FLRT2: variants seen among roughly 807,000 people sequenced by gnomAD.
FLRT2 encodes the protein fibronectin leucine rich transmembrane protein 2, also known as leucine-rich repeat transmembrane protein FLRT2.
FLRT2 carries 15 observed loss-of-function variants against 40.0 expected under a neutral mutation model. That is an observed-to-expected ratio of 0.38 (90% CI 0.25 to 0.58). FLRT2 has a LOEUF of 0.58. FLRT2 is among the 20% of genes least tolerant of loss of function. The probability of loss-of-function intolerance (pLI) is 0.71; values close to 1 mark genes in which losing one functional copy is unlikely to be tolerated. For synonymous variants in FLRT2, 380 were observed against 336.8 expected (o/e 1.13, Z -1.41); for missense variants, 726 against 840.0 (o/e 0.86, Z 1.68).
intron 1 of FLRT2, among the ~76,000 whole-genome samples, chr14:85,533,195 G>C (rs1054756575): frequency 6.6e-6 from 1 of 152,116 alleles, no homozygotes; most frequent in African/African-American, 2.4e-5. Context: ...GGAGCGGAGC[G>C]CGCCAGAGCG....
At chr14:85,607,668 G>A (rs1017599244) in intron 1 of FLRT2, among the ~76,000 whole-genome samples, 5 of 152,196 alleles carry the variant, frequency 3.3e-5, no homozygotes, top group African/African-American at 1.2e-4. Flanking sequence ...GTCCTTCTAT[G>A]AGAGTTGGTT....
In FLRT2 at chr14:85,634,097, T is replaced by C. The variant is rs187545766; in HGVS notation, c.*10600T>C. On this transcript the variant is annotated 3_prime_UTR_variant, in exon 2 of 2. Coordinates refer to ENST00000330753, the MANE Select transcript of FLRT2 (RefSeq NM_013231.6). ...ATCCTCTTCAGCTGGATCACGTTGT[T>C]TTCTTTCTGTACACTTTGTGGTAGT... 132 of 152,340 alleles carry C rather than the reference T, an allele frequency of 8.7e-4. 1 individual carries two copies. The highest frequency in any genetic ancestry group is 3.0e-3 in the African/African-American group (124 of 41,578). 9.4% of individuals were successfully genotyped at this position (152,340 alleles called of 1,614,324 possible).
chr14:85,596,660 AC>A lies in FLRT2; in HGVS notation c.-376-24478del, dbSNP rs1192206746. 7.9e-5 allele frequency among the ~76,000 whole-genome samples: 12 copies of A among 152,214 alleles called. No individual in the cohort carries two copies. In the East Asian group the frequency reaches 9.6e-4, roughly 12 times the overall value. On this transcript the variant is annotated intron_variant, in intron 1 of 1. Coordinates refer to ENST00000330753, the MANE Select transcript of FLRT2 (RefSeq NM_013231.6). ...CTTGCTAAAGACTTTTTTAAAAAAA[AC>A]ATTTTCATTATTTAAACTCTCTTAG...
intron 1 of FLRT2, among the ~76,000 whole-genome samples, chr14:85,535,518 A>G (rs1011395695): frequency 4.6e-5 from 7 of 152,196 alleles, no homozygotes; most frequent in Non-Finnish European, 1.0e-4. Context: ...TGGGCCAGCT[A>G]CTTATGACGG....
chr14:85,612,032 T>C (rs1395506242), intron 1 of FLRT2, among the ~76,000 whole-genome samples: 3 of 108,592 alleles, frequency 2.8e-5, no homozygotes, highest in African/African-American at 1.1e-4. Context: ...CTGGGTGACA[T>C]GGACTGAGTC....
intron 1 of FLRT2, among the ~76,000 whole-genome samples, chr14:85,600,271 G>T (rs966129409): frequency 2.0e-5 from 3 of 152,240 alleles, no homozygotes; most frequent in Non-Finnish European, 4.4e-5. Flanking sequence ...TGAAGTTCCA[G>T]ATGGACGTGT....
chr14:85,643,343 CTTT>C lies in FLRT2; in HGVS notation c.*19847_*19849del, dbSNP rs1566774508. 101 of 94,122 alleles carry C rather than the reference CTTT, an allele frequency of 1.1e-3. 1 individual carries two copies. The highest frequency in any genetic ancestry group is 5.1e-3 in the Middle Eastern group (1 of 196). 5.8% of individuals were successfully genotyped at this position (94,122 alleles called of 1,614,324 possible). ...TCTTTCTTTCTTTCTTTCTTTCTTT[CTTT>C]CTTTCTTTCTTCCTTCCTTCCTTCC... On this transcript the variant is annotated 3_prime_UTR_variant, in exon 2 of 2. Coordinates refer to ENST00000330753, the MANE Select transcript of FLRT2 (RefSeq NM_013231.6).
chr14:85,623,749 G>T lies in FLRT2; in HGVS notation c.*252G>T. On this transcript the variant is annotated 3_prime_UTR_variant, in exon 2 of 2. Transcript: ENST00000330753. ...AAATCTTAAAAAAAAAAAAGTTGCTGAAGTACTGTACAGGGTTGTACAATG... is the reference window on the plus strand; with the variant it reads ...AAATCTTAAAAAAAAAAAAGTTGCTTAAGTACTGTACAGGGTTGTACAATG... 2.8e-6 allele frequency: 1 copy of T among 361,556 alleles called. No individual in the cohort carries two copies. Among genetic ancestry groups the T allele is most frequent in the African/African-American group, 2.1e-5 (1 of 47,650 alleles). 22.4% of individuals were successfully genotyped at this position (361,556 alleles called of 1,614,324 possible).
intron 1 of FLRT2, among the ~76,000 whole-genome samples, chr14:85,542,315 T>G (rs563382906): frequency 2.6e-5 from 4 of 152,298 alleles, no homozygotes; most frequent in Non-Finnish European, 5.9e-5. Flanking sequence ...CATGTATGTA[T>G]AGTATAATTT....
intron 1 of FLRT2, among the ~76,000 whole-genome samples, chr14:85,565,523 C>A (rs1329708733): frequency 1.3e-5 from 2 of 152,130 alleles, no homozygotes; most frequent in East Asian, 3.8e-4. Flanking sequence ...ACTACCTCTC[C>A]ATTACATGCA....
In FLRT2 at chr14:85,641,563, C is replaced by T. The variant is rs1049687913; in HGVS notation, c.*18066C>T. ...AGGACTACAGTAGTACGTCCTTGGACGCAACAGTTTAAGAGGTAGTTCCTG... is the reference window on the plus strand; with the variant it reads ...AGGACTACAGTAGTACGTCCTTGGATGCAACAGTTTAAGAGGTAGTTCCTG... On this transcript the variant is annotated 3_prime_UTR_variant, in exon 2 of 2. Transcript: ENST00000330753. The T allele has an allele frequency of 1.1e-4, 16 of 152,318 alleles. No individual in the cohort carries two copies. The highest frequency in any genetic ancestry group is 2.1e-4 in the South Asian group (1 of 4,830). The allele number at this position is 152,318 out of a possible 1,614,324, so 9.4% of individuals were successfully genotyped here.
chr14:85,558,631 C>G (rs1255832932), intron 1 of FLRT2, among the ~76,000 whole-genome samples: 2 of 152,150 alleles, frequency 1.3e-5, no homozygotes, highest in Admixed American at 1.3e-4. Flanking sequence ...GTGCTCCTTG[C>G]TACCTAATGC....
At chr14:85,535,355 A>C (rs2888446) in intron 1 of FLRT2, among the ~76,000 whole-genome samples, 5,501 of 18,606 alleles carry the variant, frequency 0.3, 276 homozygotes, top group Middle Eastern at 0.5. Context: ...GCCCCCCCCC[A>C]AAAAAAAAAA....
In FLRT2 at chr14:85,653,559, T is replaced by C. The variant is rs1037690667; in HGVS notation, c.*30062T>C. 3.9e-5 allele frequency: 6 copies of C among 152,252 alleles called. No individual in the cohort carries two copies. Among genetic ancestry groups the C allele is most frequent in the African/African-American group, 1.4e-4 (6 of 41,460 alleles). The allele number at this position is 152,252 out of a possible 1,614,324, so 9.4% of individuals were successfully genotyped here. A position where few individuals can be genotyped will look rare whatever the true frequency, so the allele number is the denominator to read the frequency against. On this transcript the variant is annotated 3_prime_UTR_variant, in exon 2 of 2. Transcript: ENST00000330753. ...GATCTATTAGTATTCTCCACATTGC[T>C]ACTGAAACTTGCTGCCTTTTCCTAG...
intron 1 of FLRT2, 88 bp downstream of exon 1, chr14:85,530,622 T>G (rs2139787694): frequency 6.6e-6 from 1 of 151,118 alleles, no homozygotes; most frequent in South Asian, 2.1e-4. Flanking sequence ...TCGGGGGATT[T>G]TTTTTTTTTG....
chr14:85,550,407 G>A (rs1021484116), intron 1 of FLRT2, among the ~76,000 whole-genome samples: 1 of 152,294 alleles, frequency 6.6e-6, no homozygotes, highest in Non-Finnish European at 1.5e-5. Context: ...GCAAAAAAAG[G>A]CAGATCAGGT....
chr14:85,544,610 T>C (rs937093772), intron 1 of FLRT2, among the ~76,000 whole-genome samples: 2 of 152,160 alleles, frequency 1.3e-5, no homozygotes, highest in African/African-American at 4.8e-5. Flanking sequence ...CGCCTTAATT[T>C]GGCTCCACAA....
chr14:85,531,892 G>T (rs1001755281), intron 1 of FLRT2, among the ~76,000 whole-genome samples: 4 of 152,228 alleles, frequency 2.6e-5, no homozygotes, highest in African/African-American at 9.6e-5. Flanking sequence ...GTGTGAGCGC[G>T]TGTGCCAGCG....
rs1894132421 is a variant in FLRT2, at chr14:85,640,827, C to G, written c.*17330C>G. 2 of 152,120 alleles carry G rather than the reference C, an allele frequency of 1.3e-5. No homozygotes were observed. The highest frequency in any genetic ancestry group is 2.9e-5 in the Non-Finnish European group (2 of 68,032). The allele number at this position is 152,120 out of a possible 1,614,324, so 9.4% of individuals were successfully genotyped here. Reference sequence around the variant, plus strand: ...CTCTTAATAGCTTGAGAGAATTGTACACAAACGTTTCTAAAATACAGATCC... The same window carrying G: ...CTCTTAATAGCTTGAGAGAATTGTAGACAAACGTTTCTAAAATACAGATCC... On this transcript the variant is annotated 3_prime_UTR_variant, in exon 2 of 2. Coordinates refer to ENST00000330753, the MANE Select transcript of FLRT2 (RefSeq NM_013231.6).
Sources: allele counts gnomAD v4.1 joint callset (sites outside exome capture counted in the v4.1 genomes callset), GRCh38; gene constraint gnomAD v4.1.1; transcripts MANE v1.5; gene names NCBI Gene and HGNC (gene_info 2026-07-23, HGNC 2026-07-21).